Variants in AGO3 observed in about 807,000 individuals in gnomAD.
The protein encoded by AGO3 is argonaute RISC catalytic component 3, also known as protein argonaute-3.
A neutral mutation model predicts 105.5 loss-of-function variants in AGO3; 16 were observed. The observed-to-expected ratio is 0.15, with a 90% CI of 0.10 to 0.23. The LOEUF is 0.23. AGO3 is among the 10% of genes least tolerant of loss of function. The pLI, the probability that AGO3 is intolerant of heterozygous loss-of-function variation, is 1.00. For missense variants in AGO3, 534 were observed against 1,088.0 expected, an observed-to-expected ratio of 0.49 and a Z score of 7.16; for synonymous variants, 340 against 367.3, an observed-to-expected ratio of 0.93 and a Z score of 0.85.
Position 36,009,029 on chromosome 1 carries a change from C to T in AGO3, c.1014C>T (p.Thr338=). 6.4e-7 allele frequency: 1 copy of T among 1,559,812 alleles called. No homozygotes were observed. Among genetic ancestry groups the T allele is most frequent in the Non-Finnish European group, 8.6e-7 (1 of 1,161,142 alleles). ...AAGTCGGGCAGGAACAGAAACACAC[C>T]TACCTGCCACTAGAAGTAATGCCTT... The part of the protein sequence containing the change: ...CLQVGQEQKH[T]YLPLEVCNIV... The change falls in exon 8 of 19, where the codon ACC becomes ACT. Residue 338 remains threonine (T), a synonymous_variant. Transcript: ENST00000373191.
rs1255153413 is a variant in AGO3, at chr1:36,017,520, A to C, written c.1406+3472A>C. Among the ~76,000 whole-genome samples the C allele has an allele frequency of 3.3e-5, 5 of 152,244 alleles. No homozygotes were observed. The East Asian group carries it at 9.6e-4, about 29-fold the overall frequency. On this transcript the variant is annotated intron_variant, in intron 11 of 18. Coordinates refer to ENST00000373191, the MANE Select transcript of AGO3 (RefSeq NM_024852.4). ...TCTCTTGTATAACCATAGTCTTTGC[A>C]GTAGAATCTGCTAAAGAGCCTATAA...
At chr1:35,977,250 A>C (rs970813827) in intron 5 of AGO3, among the ~76,000 whole-genome samples, 1 of 147,126 alleles carries the variant, frequency 6.8e-6, no homozygotes, top group Admixed American at 6.9e-5. Context: ...ACCCATAAAA[A>C]TTTTTTTTTA....
At chr1:35,988,000 G>A (rs377402341) in intron 5 of AGO3, among the ~76,000 whole-genome samples, 8 of 151,792 alleles carry the variant, frequency 5.3e-5, no homozygotes, top group South Asian at 4.1e-4. Context: ...CCCGGGAGGC[G>A]GAGGTTGCAG....
In AGO3 at chr1:36,009,489, G is replaced by A. The variant is rs1299433050; in HGVS notation, c.1044G>A (p.Val348=). 3.1e-6 allele frequency: 5 copies of A among 1,612,798 alleles called. No individual in the cohort carries two copies. The highest frequency in any genetic ancestry group is 4.2e-6 in the Non-Finnish European group (5 of 1,179,560). Residue 348 remains valine, a synonymous_variant, in exon 9 of 19, where the codon GTG becomes GTA. Transcript: ENST00000373191. ...TYLPLEVCNI[V]AGQRCIKKLT... ...TCCATTTGTAGGTCTGTAATATTGT[G>A]GCAGGGCAACGATGTATCAAGAAGC...
chr1:36,044,871 A>T (rs781493828), intron 17 of AGO3, among the ~76,000 whole-genome samples: 2 of 152,214 alleles, frequency 1.3e-5, no homozygotes, highest in Non-Finnish European at 2.9e-5. Flanking sequence ...CAACAACAAA[A>T]AGTAAACTGA....
At chr1:35,938,866 C>T (rs945008787) in intron 1 of AGO3, among the ~76,000 whole-genome samples, 2 of 151,920 alleles carry the variant, frequency 1.3e-5, no homozygotes, top group Non-Finnish European at 2.9e-5. Context: ...TCATCAGTCA[C>T]ATTTGCTGTA....
intron 2 of AGO3, among the ~76,000 whole-genome samples, chr1:35,966,094 G>A (rs1407012009): frequency 6.6e-6 from 1 of 152,008 alleles, no homozygotes; most frequent in Non-Finnish European, 1.5e-5. Context: ...CAAAGTGCTG[G>A]GATTACAGGC....
intron 8 of AGO3, 197 bp downstream of exon 8, chr1:36,009,241 C>T (rs1640477380): frequency 6.0e-6 from 5 of 837,166 alleles, no homozygotes; most frequent in Non-Finnish European, 5.2e-6. Context: ...AATGTAACCA[C>T]TGTTAACATT....
At chr1:35,993,738 C>CTTTTTTTTTTTTT (rs141978570) in intron 5 of AGO3, among the ~76,000 whole-genome samples, 2 of 90,778 alleles carry the variant, frequency 2.2e-5, no homozygotes, top group African/African-American at 1.0e-4. Context: ...CCACCCCCTG[C>CTTTTTTTTTTTTT]TTTTTTTTTT....
At chr1:36,033,256 G>A (rs1193177983) in intron 12 of AGO3, among the ~76,000 whole-genome samples, 2 of 151,900 alleles carry the variant, frequency 1.3e-5, no homozygotes, top group Non-Finnish European at 2.9e-5. Flanking sequence ...AGAACTGCTT[G>A]AACCCAGGAG....
intron 5 of AGO3, among the ~76,000 whole-genome samples, chr1:35,977,577 G>A (rs567580773): frequency 3.3e-5 from 5 of 151,924 alleles, no homozygotes; most frequent in Non-Finnish European, 7.4e-5. Flanking sequence ...ATTTTTTGTA[G>A]AGACAAGATT....
chr1:35,977,600 C>G (rs1646976779), intron 5 of AGO3, among the ~76,000 whole-genome samples: 1 of 151,862 alleles, frequency 6.6e-6, no homozygotes, highest in Non-Finnish European at 1.5e-5. Context: ...ACCATGTTGC[C>G]CAGGCTGGTC....
At chr1:35,931,484 C>T (rs1319547041) in intron 1 of AGO3, 39 bp downstream of exon 1, 2 of 1,444,632 alleles carry the variant, frequency 1.4e-6, no homozygotes, top group Admixed American at 2.8e-5. Context: ...GGATGTCACC[C>T]AGCTACTGTC....
At chr1:35,942,404 A>G (rs944218793) in intron 1 of AGO3, among the ~76,000 whole-genome samples, 3 of 152,142 alleles carry the variant, frequency 2.0e-5, no homozygotes, top group Non-Finnish European at 2.9e-5. Flanking sequence ...GGCATCATAA[A>G]TTGTATTGGG....
chr1:35,938,356 G>C (rs1327990660), intron 1 of AGO3, among the ~76,000 whole-genome samples: 1 of 152,070 alleles, frequency 6.6e-6, no homozygotes, highest in African/African-American at 2.4e-5. Flanking sequence ...AACGATATAA[G>C]AATGTCTCAA....
In AGO3 at chr1:35,949,980, T is replaced by C. The variant is rs554627099; in HGVS notation, c.191+4117T>C. 3.8e-4 allele frequency among the ~76,000 whole-genome samples: 58 copies of C among 152,206 alleles called. 1 individual carries two copies. Among genetic ancestry groups the C allele is most frequent in the African/African-American group, 1.3e-3 (54 of 41,550 alleles). Reference sequence around the variant, plus strand: ...GCTCACGCCTGTAATCCCAGCACTTTGGGAGGCTGAGGCGAGTGGATCACG... The same window carrying C: ...GCTCACGCCTGTAATCCCAGCACTTCGGGAGGCTGAGGCGAGTGGATCACG... On this transcript the variant is annotated intron_variant, in intron 2 of 18. Coordinates refer to ENST00000373191, the MANE Select transcript of AGO3 (RefSeq NM_024852.4).
chr1:36,023,384 T>C (rs911067746), intron 11 of AGO3, among the ~76,000 whole-genome samples: 1 of 152,158 alleles, frequency 6.6e-6, no homozygotes, highest in Admixed American at 6.5e-5. Context: ...AAAGAAAAAC[T>C]AGACAAATTA....
intron 1 of AGO3, among the ~76,000 whole-genome samples, chr1:35,935,033 T>C (rs754427573): frequency 1.4e-4 from 22 of 152,208 alleles, no homozygotes; most frequent in Non-Finnish European, 1.5e-4. Flanking sequence ...GGGCATGAAT[T>C]TTGAAAGTGA....
intron 5 of AGO3, among the ~76,000 whole-genome samples, chr1:35,979,945 A>G (rs1437980736): frequency 6.6e-6 from 1 of 152,176 alleles, no homozygotes; most frequent in African/African-American, 2.4e-5. Context: ...CTTTCTGTCA[A>G]GTCACAACCA....
Sources: gnomAD v4.1 joint callset for allele counts (sites outside exome capture counted in the v4.1 genomes callset) on GRCh38, gnomAD v4.1.1 for gene constraint, MANE v1.5 for transcripts, NCBI Gene and HGNC (gene_info 2026-07-23, HGNC 2026-07-21) for gene names.